Variants in PLPP3 observed in about 807,000 individuals in gnomAD.
The protein encoded by PLPP3 is phospholipid phosphatase 3, also known as PAP2 beta.
In PLPP3, 6 loss-of-function variants were observed where a neutral mutation model predicts 29.6. The observed-to-expected ratio is 0.20, with a 90% confidence interval of 0.11 to 0.40. The LOEUF (loss-of-function observed/expected upper bound fraction) is 0.40, where lower values mean the gene tolerates loss of function less well. PLPP3 is among the 10% of genes least tolerant of loss of function. The pLI is 1.00. For missense variants in PLPP3, 308 were observed against 407.7 expected, an observed-to-expected ratio of 0.76 and a Z score of 2.11; for synonymous variants, 152 against 159.7, an observed-to-expected ratio of 0.95 and a Z score of 0.36.
At chr1:56,554,088 C>G (rs777836959) in intron 1 of PLPP3, among the ~76,000 whole-genome samples, 1 of 151,128 alleles carries the variant, frequency 6.6e-6, no homozygotes, top group African/African-American at 2.4e-5. Flanking sequence ...TAATGAGACT[C>G]GAGTGGGTGA....
intron 4 of PLPP3, among the ~76,000 whole-genome samples, chr1:56,519,530 A>C (rs1343060142): frequency 6.6e-6 from 1 of 152,170 alleles, no homozygotes; most frequent in Non-Finnish European, 1.5e-5. Context: ...TTGGATGCAC[A>C]GGTGAGTTCC....
chr1:56,563,545 C>CAG (rs1163939317), intron 1 of PLPP3, among the ~76,000 whole-genome samples: 2 of 152,188 alleles, frequency 1.3e-5, no homozygotes, highest in Admixed American at 6.5e-5. Flanking sequence ...TAAGGCTCTA[C>CAG]AGAACTGGAA....
chr1:56,562,527 T>C (rs1302321530), intron 1 of PLPP3, among the ~76,000 whole-genome samples: 1 of 152,220 alleles, frequency 6.6e-6, no homozygotes, highest in East Asian at 1.9e-4. Flanking sequence ...AAATATTCAT[T>C]GTACAAACAA....
chr1:56,536,071 G>C (rs541051171), intron 2 of PLPP3, among the ~76,000 whole-genome samples: 1 of 152,124 alleles, frequency 6.6e-6, no homozygotes, highest in African/African-American at 2.4e-5. Context: ...AGAGAGTGAC[G>C]AGCATGTGAC....
chr1:56,524,266 T>G lies in PLPP3; in HGVS notation c.575+11A>C. On this transcript the variant is annotated intron_variant, in intron 3 of 5. Transcript: ENST00000371250. The surrounding 1 kb of genome is among the most constrained non-coding windows in gnomAD (Gnocchi z 4.3). Reference sequence around the variant, plus strand: ...GGTCCAGGCTCTGGCCATGCGGAGGTGGTGTCTCACCTGGCTTCCTGGACT... The same window carrying G: ...GGTCCAGGCTCTGGCCATGCGGAGGGGGTGTCTCACCTGGCTTCCTGGACT... 6.2e-7 allele frequency: 1 copy of G among 1,612,406 alleles called. No individual in the cohort carries two copies. Among genetic ancestry groups the G allele is most frequent in the Non-Finnish European group, 8.5e-7 (1 of 1,179,536 alleles).
At chr1:56,529,140 C>T (rs898544037) in intron 2 of PLPP3, among the ~76,000 whole-genome samples, 99 of 152,074 alleles carry the variant, frequency 6.5e-4, no homozygotes, top group African/African-American at 2.3e-3. Context: ...CTCACAACAC[C>T]ATATGAATTA....
chr1:56,524,505 G>C lies in PLPP3; in HGVS notation c.347C>G (p.Ser116Trp), dbSNP rs767309067. The change falls in exon 3 of 6, where the codon TCG becomes TGG. Residue 116 changes from serine to tryptophan, a missense_variant. Physicochemically the swap from Ser to Trp is radical, Grantham distance 177. Transcript: ENST00000371250. This position sits in a 1 kb window ranked among gnomAD's most constrained non-coding sequence, Gnocchi z 4.3. ...YRIYYLKKSRSTIQNPYVAAL... is the reference protein window; with the variant it reads ...YRIYYLKKSRWTIQNPYVAAL... ...TGCCACGTAGGGGTTCTGAATCGTC[G>C]ACCGCGACTTCTTCAGGTAATAGAT... The C allele has an allele frequency of 6.2e-7, 1 of 1,612,900 alleles. No individual in the cohort carries two copies. The highest frequency in any genetic ancestry group is 1.7e-5 in the Admixed American group (1 of 59,988).
Position 56,519,968 on chromosome 1 carries a change from G to A in PLPP3, c.633+3855C>T, listed in dbSNP as rs553497044. 2.6e-5 allele frequency among the ~76,000 whole-genome samples: 4 copies of A among 152,192 alleles called. No homozygotes were observed. In the East Asian group the frequency reaches 5.8e-4, roughly 22 times the overall value. On this transcript the variant is annotated intron_variant, in intron 4 of 5. Coordinates refer to ENST00000371250, the MANE Select transcript of PLPP3 (RefSeq NM_003713.5). ...TGGAGTGGAGCTGGCTGGTGCTTCC[G>A]GTCTGCCATTCTCTGAACTCGATGG...
chr1:56,538,974 C>CAAAAAAAAAAAAAAAA (rs1645950137), intron 1 of PLPP3: 1 of 59,206 alleles, frequency 1.7e-5, no homozygotes, highest in East Asian at 2.7e-4. Context: ...AAAAAAAACA[C>CAAAAAAAAAAAAAAAA]AGTGGATAAT....
At chr1:56,551,661 C>T (rs1311783505) in intron 1 of PLPP3, among the ~76,000 whole-genome samples, 1 of 152,196 alleles carries the variant, frequency 6.6e-6, no homozygotes, top group Non-Finnish European at 1.5e-5. Context: ...CATACGTGAG[C>T]TCCTACTTGT....
intron 1 of PLPP3, among the ~76,000 whole-genome samples, chr1:56,554,069 CT>C (rs143655265): frequency 5.3e-5 from 8 of 150,034 alleles, no homozygotes; most frequent in African/African-American, 1.5e-4. Flanking sequence ...CCCACTTTGG[CT>C]TTTTTTTTAA....
At chr1:56,546,963 T>G (rs553358932) in intron 1 of PLPP3, among the ~76,000 whole-genome samples, 2 of 152,270 alleles carry the variant, frequency 1.3e-5, no homozygotes, top group Admixed American at 1.3e-4. Context: ...GCCCACTAAT[T>G]CTAAAGAATA....
At chr1:56,570,342 T>C (rs1029670535) in intron 1 of PLPP3, among the ~76,000 whole-genome samples, 7 of 152,194 alleles carry the variant, frequency 4.6e-5, no homozygotes, top group Admixed American at 1.3e-4. Context: ...ACAAGGCGCT[T>C]ATAATGATTT....
chr1:56,528,952 C>T (rs554115323), intron 2 of PLPP3, among the ~76,000 whole-genome samples: 1 of 151,332 alleles, frequency 6.6e-6, no homozygotes, highest in Non-Finnish European at 1.5e-5. Flanking sequence ...TGTAAATTAT[C>T]CCAAGAAAAG....
chr1:56,528,337 G>GA (rs898135087), intron 2 of PLPP3, among the ~76,000 whole-genome samples: 11 of 152,168 alleles, frequency 7.2e-5, no homozygotes, highest in Non-Finnish European at 1.6e-4. Context: ...CTTTTCTGGT[G>GA]AAAAAGAGCT....
In PLPP3 at chr1:56,538,405, A is replaced by AGTT. The variant is rs1345734941; in HGVS notation, c.140-1294_140-1293insAAC. The AGTT allele has an allele frequency of 8.3e-6, 3 of 360,912 alleles. No homozygotes were observed. The East Asian group carries it at 2.1e-4, about 25-fold the overall frequency. 22.4% of individuals were successfully genotyped at this position (360,912 alleles called of 1,614,324 possible). A position where few individuals can be genotyped will look rare whatever the true frequency, so the allele number is the denominator to read the frequency against. ...GGAACTAGGGAAGACCACCAAAAACACAGTGGCCTTTCAGCTGGAACTGCC... is the reference window on the plus strand; with the variant it reads ...GGAACTAGGGAAGACCACCAAAAACAGTTCAGTGGCCTTTCAGCTGGAACTGCC... On this transcript the variant is annotated intron_variant, in intron 1 of 5. Transcript: ENST00000371250.
intron 1 of PLPP3, among the ~76,000 whole-genome samples, chr1:56,537,396 C>T (rs556657497): frequency 6.6e-6 from 1 of 152,242 alleles, no homozygotes; most frequent in South Asian, 2.1e-4. Context: ...GGTTTTCCCA[C>T]TGTTCTACAA....
chr1:56,539,848 C>T (rs2100269786), intron 1 of PLPP3, among the ~76,000 whole-genome samples: 1 of 152,268 alleles, frequency 6.6e-6, no homozygotes, highest in South Asian at 2.1e-4. Flanking sequence ...TATTAATAGT[C>T]TGCTTTTAAA....
intron 1 of PLPP3, among the ~76,000 whole-genome samples, chr1:56,577,281 G>A (rs7539051): frequency 0.082 from 12,411 of 152,172 alleles, 939 homozygotes; most frequent in East Asian, 0.23. Context: ...GCATGATAAT[G>A]AGCCAGCTGC....
Sources: allele counts gnomAD v4.1 joint callset (sites outside exome capture counted in the v4.1 genomes callset), GRCh38; gene constraint gnomAD v4.1.1; non-coding constraint Gnocchi (gnomAD v3.1); transcripts MANE v1.5; gene names NCBI Gene and HGNC (gene_info 2026-07-23, HGNC 2026-07-21).